CNTN4: variants seen among roughly 807,000 people sequenced by gnomAD.
CNTN4 encodes contactin 4.
Under a neutral mutation model 122.5 loss-of-function variants are expected in CNTN4, and 77 were observed. That is an observed-to-expected ratio of 0.63 (90% confidence interval 0.52 to 0.76). CNTN4 has a LOEUF of 0.76. Ranked by LOEUF, CNTN4 falls within the 30% of genes least tolerant of loss-of-function variation. The pLI is 0.00. For missense variants in CNTN4, 1,256 were observed against 1,259.1 expected, an observed-to-expected ratio of 1.00 and a Z score of 0.04; for synonymous variants, 512 against 447.0, an observed-to-expected ratio of 1.15 and a Z score of -1.83.
intron 14 of CNTN4, among the ~76,000 whole-genome samples, chr3:3,001,463 G>A (rs1023140260): frequency 4.6e-5 from 7 of 152,176 alleles, no homozygotes; most frequent in African/African-American, 1.4e-4. Context: ...TATAGACCAA[G>A]GGTTACAAAC....
chr3:2,970,609 G>A lies in CNTN4; in HGVS notation c.1359-17736G>A, dbSNP rs1692808616. Among the ~76,000 whole-genome samples, 7 of 151,840 alleles carry A rather than the reference G, an allele frequency of 4.6e-5. No homozygotes were observed. The South Asian group carries it at 1.5e-3, about 32-fold the overall frequency. ...CTACAGGCGCACATCACTACACCTG[G>A]CTAATTTTTGTATTTTTTGCATAGA... On this transcript the variant is annotated intron_variant, in intron 13 of 24. Transcript: ENST00000418658.
At chr3:2,328,885 G>A (rs145522166) in intron 2 of CNTN4, among the ~76,000 whole-genome samples, 1 of 152,134 alleles carries the variant, frequency 6.6e-6, no homozygotes, top group Non-Finnish European at 1.5e-5. Context: ...ACCAAGGGAC[G>A]ACTGCATTCT....
chr3:2,176,489 G>A (rs2036753879), intron 2 of CNTN4, among the ~76,000 whole-genome samples: 1 of 151,994 alleles, frequency 6.6e-6, no homozygotes, highest in African/African-American at 2.4e-5. Flanking sequence ...GCTTCCTTGA[G>A]TCTATTCATT....
At chr3:2,276,918 G>T (rs1306441924) in intron 2 of CNTN4, among the ~76,000 whole-genome samples, 1 of 152,066 alleles carries the variant, frequency 6.6e-6, no homozygotes, top group African/African-American at 2.4e-5. Context: ...CCAGCCAAGG[G>T]TTTGGTCTAC....
intron 2 of CNTN4, among the ~76,000 whole-genome samples, chr3:2,309,496 T>A (rs1325158804): frequency 6.6e-6 from 1 of 152,198 alleles, no homozygotes; most frequent in Non-Finnish European, 1.5e-5. Context: ...GTTTCCTACT[T>A]GTTTTTTATA....
At chr3:2,425,501 G>T (rs1397022963) in intron 3 of CNTN4, among the ~76,000 whole-genome samples, 2 of 152,130 alleles carry the variant, frequency 1.3e-5, no homozygotes, top group African/African-American at 4.8e-5. Flanking sequence ...AAGTCAGGTA[G>T]CGTGATGCCT....
chr3:2,366,485 T>G (rs4684346), intron 3 of CNTN4, among the ~76,000 whole-genome samples: 11,243 of 152,136 alleles, frequency 0.074, 546 homozygotes, highest in African/African-American at 0.12. Flanking sequence ...CCCAGCACTT[T>G]GGGAGGCCGA....
intron 6 of CNTN4, among the ~76,000 whole-genome samples, chr3:2,797,956 A>G (rs2092242002): frequency 6.8e-6 from 1 of 146,840 alleles, no homozygotes; most frequent in Admixed American, 6.8e-5. Flanking sequence ...TTAGAAGGTA[A>G]AAGTGCAATT....
chr3:2,706,777 T>C (rs929320492), intron 4 of CNTN4, among the ~76,000 whole-genome samples: 14 of 152,156 alleles, frequency 9.2e-5, no homozygotes, highest in African/African-American at 3.4e-4. Context: ...AACTAAAAGA[T>C]CACGTAGATT....
At chr3:2,381,381 C>T (rs1395587420) in intron 3 of CNTN4, among the ~76,000 whole-genome samples, 2 of 152,152 alleles carry the variant, frequency 1.3e-5, no homozygotes, top group African/African-American at 2.4e-5. Flanking sequence ...CTACATTTCC[C>T]CCTTAGAACA....
rs1330418259 is a variant in CNTN4, at chr3:2,164,229, A to AG, written c.-145+63592dup. 2.0e-5 allele frequency among the ~76,000 whole-genome samples: 3 copies of AG among 152,168 alleles called. No individual in the cohort carries two copies. The East Asian group carries it at 5.8e-4, about 29-fold the overall frequency. ...ACAAAGAAGAAAGAGAGATTGCTTG[A>AG]GGAAAAAAAAAACAACAACAAAGTA... On this transcript the variant is annotated intron_variant, in intron 2 of 24. Coordinates refer to ENST00000418658, the MANE Select transcript of CNTN4 (RefSeq NM_175607.3).
At chr3:2,901,765 C>A (rs967753160) in intron 11 of CNTN4, among the ~76,000 whole-genome samples, 14 of 152,144 alleles carry the variant, frequency 9.2e-5, no homozygotes, top group African/African-American at 3.4e-4. Context: ...ATCCATCTCT[C>A]CAACCAACTA....
rs181009360 is a variant in CNTN4 at position 2,925,076 on chromosome 3, T to C, written c.1208-553T>C. Reference sequence around the variant, plus strand: ...TCCCTCAACAGGGAGATGAGAATATTCTGTGTCTTGATCTTCATGGTGGTG... The same window carrying C: ...TCCCTCAACAGGGAGATGAGAATATCCTGTGTCTTGATCTTCATGGTGGTG... On this transcript the variant is annotated intron_variant, in intron 12 of 24. Transcript: ENST00000418658. 6.6e-5 allele frequency among the ~76,000 whole-genome samples: 10 copies of C among 152,332 alleles called. 1 individual carries two copies. In the East Asian group the frequency reaches 1.9e-3, roughly 29 times the overall value.
intron 2 of CNTN4, among the ~76,000 whole-genome samples, chr3:2,120,285 CA>C (rs1379971250): frequency 6.8e-6 from 1 of 146,144 alleles, no homozygotes; most frequent in Non-Finnish European, 1.5e-5. Flanking sequence ...ATTAGTTTCA[CA>C]CTTTACTAGT....
chr3:2,683,221 G>A (rs1296218657), intron 4 of CNTN4, among the ~76,000 whole-genome samples: 1 of 152,150 alleles, frequency 6.6e-6, no homozygotes, highest in East Asian at 1.9e-4. Context: ...ATGACAAGAA[G>A]AGATTGAGTG....
chr3:2,807,407 GC>G (rs1444438033), intron 6 of CNTN4, among the ~76,000 whole-genome samples: 1 of 151,974 alleles, frequency 6.6e-6, no homozygotes, highest in Non-Finnish European at 1.5e-5. Context: ...GGTTGAAGTT[GC>G]CGAAGCAACT....
intron 4 of CNTN4, among the ~76,000 whole-genome samples, chr3:2,670,032 A>G (rs901928246): frequency 2.0e-5 from 3 of 152,146 alleles, no homozygotes; most frequent in African/African-American, 7.2e-5. Context: ...CAATTTTGGA[A>G]TAAGTGTGAT....
At chr3:2,179,063 C>G (rs1169565758) in intron 2 of CNTN4, among the ~76,000 whole-genome samples, 1 of 151,954 alleles carries the variant, frequency 6.6e-6, no homozygotes, top group African/African-American at 2.4e-5. Context: ...TGCTCATACT[C>G]CGAGGTAATA....
intron 2 of CNTN4, chr3:2,110,397 T>C (rs1203370906): frequency 1.3e-5 from 2 of 152,256 alleles, no homozygotes; most frequent in African/African-American, 4.8e-5. Context: ...TTACAACTTA[T>C]ACAGAACGTA....
Sources: allele counts gnomAD v4.1 joint callset (sites outside exome capture counted in the v4.1 genomes callset), GRCh38; gene constraint gnomAD v4.1.1; transcripts MANE v1.5; gene names NCBI Gene and HGNC (gene_info 2026-07-23, HGNC 2026-07-21).